HGF: variants seen among roughly 807,000 people sequenced by gnomAD.
The protein encoded by HGF is fibroblast-derived tumor cytotoxic factor.
In HGF, 39 loss-of-function variants were observed where a neutral mutation model predicts 111.6. The observed-to-expected ratio is 0.35, with a 90% CI of 0.27 to 0.46. The LOEUF (loss-of-function observed/expected upper bound fraction) is 0.46. Among genes scored for constraint, HGF ranks in the 20% least tolerant of loss-of-function variants. The pLI is 1.00. For missense variants in HGF, 735 were observed against 910.5 expected (o/e 0.81, Z 2.48); for synonymous variants, 285 against 294.8 (o/e 0.97, Z 0.34).
In HGF at chr7:81,699,240, T is replaced by C. The variant is rs1474453461; in HGVS notation, c.*3341A>G. The C allele has an allele frequency of 6.6e-6, 1 of 151,520 alleles. No individual in the cohort carries two copies. Among genetic ancestry groups the C allele is most frequent in the Non-Finnish European group, 1.5e-5 (1 of 67,644 alleles). The allele number at this position is 151,520 out of a possible 1,614,324, so 9.4% of individuals were successfully genotyped here. A position where few individuals can be genotyped will look rare whatever the true frequency, so the allele number is the denominator to read the frequency against. ...TTTTCAGTTTCCTAAAGACAGAAAC[T>C]TTCTGTGCAAATGGAAATGAACCTA... On this transcript the variant is annotated 3_prime_UTR_variant, in exon 18 of 18. Transcript: ENST00000222390.
At chr7:81,718,685 G>A (rs950022563) in intron 10 of HGF, among the ~76,000 whole-genome samples, 2 of 152,118 alleles carry the variant, frequency 1.3e-5, no homozygotes, top group African/African-American at 4.8e-5. Flanking sequence ...TTTACCAACT[G>A]GTACTTTGAG....
chr7:81,742,799 G>A, intron 7 of HGF: 1 of 1,546,320 alleles, frequency 6.5e-7, no homozygotes, highest in Non-Finnish European at 8.7e-7. Flanking sequence ...CAGAATGCAG[G>A]CTGGGTACAA....
In HGF at chr7:81,756,952, C is replaced by G. The variant is rs5745638; in HGVS notation, c.482+237G>C. On this transcript the variant is annotated intron_variant, in intron 4 of 17. Coordinates refer to ENST00000222390, the MANE Select transcript of HGF (RefSeq NM_000601.6). ...GTTTACGTTATTATTTCACAAATAC[C>G]GAGATCTACAAATTGAGGCATTAAG... 1.3e-3 allele frequency: 749 copies of G among 570,304 alleles called. 4 individuals carry two copies. The highest frequency in any genetic ancestry group is 0.013 in the African/African-American group (684 of 53,138). 35.3% of individuals were successfully genotyped at this position (570,304 alleles called of 1,614,324 possible). A position where few individuals can be genotyped will look rare whatever the true frequency, so the allele number is the denominator to read the frequency against.
At chr7:81,711,420 G>C in intron 12 of HGF, 61 bp downstream of exon 12, 1 of 856,406 alleles carries the variant, frequency 1.2e-6, no homozygotes, top group Admixed American at 2.6e-5. Flanking sequence ...AAGAAATAAT[G>C]ACACTTCTGA....
At chr7:81,723,132 A>G (rs1002378566) in intron 9 of HGF, among the ~76,000 whole-genome samples, 1 of 152,098 alleles carries the variant, frequency 6.6e-6, no homozygotes, top group African/African-American at 2.4e-5. Flanking sequence ...AAGTTTACCT[A>G]TGTAACAAAC....
In HGF at chr7:81,705,208, G is replaced by A. The variant is rs551531079; in HGVS notation, c.2010+182C>T. 6.6e-5 allele frequency among the ~76,000 whole-genome samples: 10 copies of A among 151,830 alleles called. No individual in the cohort carries two copies. In the South Asian group the frequency reaches 1.9e-3, roughly 28 times the overall value. Reference sequence around the variant, plus strand: ...CATAGTTTGCTGCTAATAAAACATTGATTATCTCACTGCTTAGTTGAAAGA... The same window carrying A: ...CATAGTTTGCTGCTAATAAAACATTAATTATCTCACTGCTTAGTTGAAAGA... On this transcript the variant is annotated intron_variant, in intron 17 of 17. Coordinates refer to ENST00000222390, the MANE Select transcript of HGF (RefSeq NM_000601.6).
rs527372811 is a variant in HGF at position 81,702,841 on chromosome 7, CAG to C, written c.2011-86_2011-85del. Reference sequence around the variant, plus strand: ...CATAATCATATATAGATTTGCATCTCAGAGATATATACAGAAAAAGAGAATAA... The same window carrying C: ...CATAATCATATATAGATTTGCATCTCAGATATATACAGAAAAAGAGAATAA... On this transcript the variant is annotated intron_variant, in intron 17 of 17. Coordinates refer to ENST00000222390, the MANE Select transcript of HGF (RefSeq NM_000601.6). 1.2e-3 allele frequency: 1,296 copies of C among 1,114,404 alleles called. 2 individuals are homozygous for C. The highest frequency in any genetic ancestry group is 1.6e-3 in the Non-Finnish European group (1,161 of 739,092). The allele number at this position is 1,114,404 out of a possible 1,614,324, so 69.0% of individuals were successfully genotyped here. A position where few individuals can be genotyped will look rare whatever the true frequency, so the allele number is the denominator to read the frequency against.
chr7:81,736,901 G>GTGTGTGTGTGTC (rs1193820225), intron 7 of HGF, among the ~76,000 whole-genome samples: 1 of 150,034 alleles, frequency 6.7e-6, no homozygotes, highest in East Asian at 2.0e-4. Context: ...AGGGGTGTGT[G>GTGTGTGTGTGTC]TGTGTGTGTG....
At chr7:81,712,884 T>A (rs1021673647) in intron 11 of HGF, among the ~76,000 whole-genome samples, 59 of 152,312 alleles carry the variant, frequency 3.9e-4, no homozygotes, top group Admixed American at 2.6e-3. Flanking sequence ...ATATTTTAAA[T>A]GAATAGGTTA....
Position 81,699,197 on chromosome 7 carries a change from A to T in HGF, c.*3384T>A, listed in dbSNP as rs905416365. The T allele has an allele frequency of 6.6e-6, 1 of 151,602 alleles. No homozygotes were observed. The highest frequency in any genetic ancestry group is 2.4e-5 in the African/African-American group (1 of 41,398). 9.4% of individuals were successfully genotyped at this position (151,602 alleles called of 1,614,324 possible). A position where few individuals can be genotyped will look rare whatever the true frequency, so the allele number is the denominator to read the frequency against. On this transcript the variant is annotated 3_prime_UTR_variant, in exon 18 of 18. Coordinates refer to ENST00000222390, the MANE Select transcript of HGF (RefSeq NM_000601.6). The stretch of plus-strand genomic sequence containing the variant: ...ATTTACATACAAGACAAACAGTCAT[A>T]GCATCCACAGTATTTCATTTTCAGT...
chr7:81,764,746 CTG>C lies in HGF; in HGVS notation c.89-1876_89-1875del, dbSNP rs528889199. Reference sequence around the variant, plus strand: ...TTTAATCTCTGGCATGAAGAAGAAACTGTGATTCTTCCAAGCAAAGAAGGCAT... The same window carrying C: ...TTTAATCTCTGGCATGAAGAAGAAACTGATTCTTCCAAGCAAAGAAGGCAT... On this transcript the variant is annotated intron_variant, in intron 1 of 17. Transcript: ENST00000222390. 3.6e-3 allele frequency among the ~76,000 whole-genome samples: 548 copies of C among 151,880 alleles called. 3 individuals carry two copies. Among genetic ancestry groups the C allele is most frequent in the African/African-American group, 0.013 (527 of 41,478 alleles).
intron 10 of HGF, among the ~76,000 whole-genome samples, chr7:81,719,094 C>T (rs752356181): frequency 2.6e-5 from 4 of 152,136 alleles, no homozygotes; most frequent in Admixed American, 1.3e-4. Flanking sequence ...TACATTCTTT[C>T]AGTCTTACCA....
At position 81,741,054 on chromosome 7, in the gene HGF, A is replaced by T. The variant is rs183816982; in HGVS notation, c.865+2299T>A. Among the ~76,000 whole-genome samples the T allele has an allele frequency of 2.6e-3, 393 of 152,362 alleles. 1 individual carries two copies. The highest frequency in any genetic ancestry group is 6.8e-3 in the Middle Eastern group (2 of 294). ...CTTTACTATATATGTGAACCAAAAC[A>T]TTTAAAAGAATATTCATAAAACATT... On this transcript the variant is annotated intron_variant, in intron 7 of 17. Transcript: ENST00000222390.
At chr7:81,712,283 A>C (rs1789592546) in intron 11 of HGF, among the ~76,000 whole-genome samples, 1 of 152,104 alleles carries the variant, frequency 6.6e-6, no homozygotes, top group South Asian at 2.1e-4. Flanking sequence ...TGAATCATTT[A>C]ATTTTTTTTC....
At chr7:81,714,707 A>C (rs113442936) in intron 11 of HGF, among the ~76,000 whole-genome samples, 3 of 152,266 alleles carry the variant, frequency 2.0e-5, no homozygotes, top group African/African-American at 7.2e-5. Context: ...GCATGTTAAA[A>C]AAAAGAATAA....
intron 1 of HGF, among the ~76,000 whole-genome samples, chr7:81,769,204 TC>T (rs1290380284): frequency 6.6e-6 from 1 of 151,906 alleles, no homozygotes; most frequent in Non-Finnish European, 1.5e-5. Flanking sequence ...AAGCAACTCC[TC>T]CCCAAACGGC....
chr7:81,717,495 G>C, intron 10 of HGF, 130 bp from the exon 11 acceptor site: 1 of 933,160 alleles, frequency 1.1e-6, no homozygotes, highest in Non-Finnish European at 1.7e-6. Context: ...TACTTGGGAT[G>C]AATTTTAGCT....
At chr7:81,756,144 A>G in intron 4 of HGF, 2 of 670,316 alleles carry the variant, frequency 3.0e-6, no homozygotes, top group East Asian at 2.7e-5. Flanking sequence ...CGCAGGTTAT[A>G]GAGTGATGGT....
intron 11 of HGF, among the ~76,000 whole-genome samples, chr7:81,713,385 G>A (rs145224081): frequency 2.0e-5 from 3 of 152,122 alleles, no homozygotes; most frequent in Non-Finnish European, 2.9e-5. Flanking sequence ...AATCAGCCAG[G>A]TGTGGTGGCA....
Sources: gnomAD v4.1 joint callset for allele counts (sites outside exome capture counted in the v4.1 genomes callset) on GRCh38, gnomAD v4.1.1 for gene constraint, MANE v1.5 for transcripts, NCBI Gene and HGNC (gene_info 2026-07-23, HGNC 2026-07-21) for gene names.